NRXN1: variants seen among roughly 807,000 people sequenced by gnomAD.
The protein encoded by NRXN1 is neurexin 1, also known as neurexin-1.
Under a neutral mutation model 150.9 loss-of-function variants are expected in NRXN1, and 39 were observed. The observed-to-expected ratio is 0.26, with a 90% CI of 0.20 to 0.34. NRXN1 has a LOEUF of 0.34. NRXN1 is among the 10% of genes least tolerant of loss of function. The pLI, the probability that NRXN1 is intolerant of heterozygous loss-of-function variation, is 1.00. For synonymous variants in NRXN1, 924 were observed against 757.0 expected (o/e 1.22, Z -3.62); for missense variants, 1,815 against 1,949.9 (o/e 0.93, Z 1.30).
intron 21 of NRXN1, among the ~76,000 whole-genome samples, chr2:50,051,145 C>G (rs1014926649): frequency 2.0e-5 from 3 of 151,860 alleles, no homozygotes; most frequent in Non-Finnish European, 4.4e-5. Flanking sequence ...GAGCAGTTAA[C>G]TCTTTACCTT....
chr2:50,662,708 G>C (rs763468469), intron 5 of NRXN1, among the ~76,000 whole-genome samples: 26 of 151,898 alleles, frequency 1.7e-4, no homozygotes, highest in Non-Finnish European at 3.2e-4. Flanking sequence ...CCCTTGTTTA[G>C]GGCATCAAGT....
chr2:50,978,125 T>C (rs914342519), intron 2 of NRXN1, among the ~76,000 whole-genome samples: 3 of 150,638 alleles, frequency 2.0e-5, no homozygotes, highest in Non-Finnish European at 4.4e-5. Flanking sequence ...TTCCAAAATA[T>C]ATATATTCAT....
intron 15 of NRXN1, among the ~76,000 whole-genome samples, chr2:50,480,249 G>C (rs2090360500): frequency 6.6e-6 from 1 of 152,204 alleles, no homozygotes; most frequent in Non-Finnish European, 1.5e-5. Context: ...TGAAGATAGA[G>C]GTGTAGAAAC....
chr2:50,695,088 T>A (rs1692623798), intron 5 of NRXN1, among the ~76,000 whole-genome samples: 1 of 151,892 alleles, frequency 6.6e-6, no homozygotes. Flanking sequence ...GAAATTAAAT[T>A]AGCCATCTTC....
chr2:50,740,750 G>C (rs1402065202), intron 5 of NRXN1, among the ~76,000 whole-genome samples: 1 of 152,006 alleles, frequency 6.6e-6, no homozygotes, highest in Non-Finnish European at 1.5e-5. Context: ...CCTATATTTA[G>C]TGTAGGAGAG....
chr2:50,339,156 T>C (rs2077383209), intron 17 of NRXN1, among the ~76,000 whole-genome samples: 1 of 152,206 alleles, frequency 6.6e-6, no homozygotes, highest in African/African-American at 2.4e-5. Flanking sequence ...TCCAAATAAG[T>C]AAATTTCACT....
intron 11 of NRXN1, among the ~76,000 whole-genome samples, chr2:50,529,192 T>C (rs1356324620): frequency 6.6e-6 from 1 of 152,208 alleles, no homozygotes; most frequent in Non-Finnish European, 1.5e-5. Context: ...TGCTTGGGCA[T>C]AAAAAGGTAA....
intron 21 of NRXN1, among the ~76,000 whole-genome samples, chr2:50,022,224 T>A (rs1687679389): frequency 6.6e-6 from 1 of 152,178 alleles, no homozygotes; most frequent in Admixed American, 6.5e-5. Flanking sequence ...CCTCATGATC[T>A]GCCCGCCTCA....
rs1694554406 is a variant in NRXN1, at chr2:50,968,927, G to T, written c.773-42972C>A. Among the ~76,000 whole-genome samples, 3 of 152,026 alleles carry T rather than the reference G, an allele frequency of 2.0e-5. No individual in the cohort carries two copies. In the South Asian group the frequency reaches 6.2e-4, roughly 32 times the overall value. ...TGCCGATAAATTTCTATCTGGTTTA[G>T]AAAAATGTCTGAACACCTTAGTCTG... On this transcript the variant is annotated intron_variant, in intron 2 of 22. Coordinates refer to ENST00000401669, the MANE Select transcript of NRXN1 (RefSeq NM_001330078.2).
intron 17 of NRXN1, among the ~76,000 whole-genome samples, chr2:50,386,614 A>G (rs966327505): frequency 3.3e-5 from 5 of 152,182 alleles, no homozygotes; most frequent in Admixed American, 2.6e-4. Flanking sequence ...GTGGGGGCAA[A>G]TTGACAGGGA....
At chr2:50,919,543 A>G (rs1029131993) in intron 5 of NRXN1, 3 of 151,628 alleles carry the variant, frequency 2.0e-5, no homozygotes, top group Non-Finnish European at 3.0e-5. Context: ...TTCATTCCAG[A>G]TCCCCTGAAT....
intron 17 of NRXN1, among the ~76,000 whole-genome samples, chr2:50,295,152 C>T (rs182257556): frequency 4.6e-5 from 7 of 152,196 alleles, no homozygotes; most frequent in Non-Finnish European, 1.0e-4. Flanking sequence ...TTCCTCCCTA[C>T]CCTCCATTGA....
At chr2:50,319,899 G>A (rs184253236) in intron 17 of NRXN1, among the ~76,000 whole-genome samples, 299 of 152,102 alleles carry the variant, frequency 2.0e-3, no homozygotes, top group African/African-American at 6.8e-3. Flanking sequence ...GCCTCCTCCA[G>A]TTCTAACTCA....
At chr2:50,756,458 G>A (rs1701166155) in intron 5 of NRXN1, among the ~76,000 whole-genome samples, 1 of 151,696 alleles carries the variant, frequency 6.6e-6, no homozygotes, top group Middle Eastern at 3.4e-3. Flanking sequence ...AGCAAATATA[G>A]CACTTTCAAT....
intron 5 of NRXN1, among the ~76,000 whole-genome samples, chr2:50,769,277 C>G (rs950671069): frequency 6.6e-6 from 1 of 152,014 alleles, no homozygotes; most frequent in African/African-American, 2.4e-5. Context: ...CAAGCCAAAA[C>G]AAGTCTATAG....
At position 50,506,484 on chromosome 2, in the gene NRXN1, G is replaced by GGGAC; in HGVS notation, c.2497+10_2497+11insGTCC. On this transcript the variant is annotated intron_variant, in intron 13 of 22. Coordinates refer to ENST00000401669, the MANE Select transcript of NRXN1 (RefSeq NM_001330078.2). Reference sequence around the variant, plus strand: ...TAGCATAGGAAAAGACAATGGGACAGAGGTGTTTACCTGTCATGGCCTGTT... The same window carrying GGGAC: ...TAGCATAGGAAAAGACAATGGGACAGGGACAGGTGTTTACCTGTCATGGCCTGTT... 6.2e-7 allele frequency: 1 copy of GGGAC among 1,611,150 alleles called. No individual in the cohort carries two copies. The highest frequency in any genetic ancestry group is 8.5e-7 in the Non-Finnish European group (1 of 1,178,182).
chr2:50,992,028 G>A (rs1206171302), intron 2 of NRXN1, among the ~76,000 whole-genome samples: 18 of 152,034 alleles, frequency 1.2e-4, no homozygotes, highest in Admixed American at 6.6e-5. Context: ...GACTCAATCC[G>A]AGAGGGGATA....
intron 12 of NRXN1, among the ~76,000 whole-genome samples, chr2:50,526,196 A>G (rs541026884): frequency 1.3e-5 from 2 of 152,334 alleles, no homozygotes; most frequent in Admixed American, 6.5e-5. Context: ...GGAAGTTTCC[A>G]TTCAAACGTA....
At position 50,053,439 on chromosome 2, in the gene NRXN1, T is replaced by C. The variant is rs1254506080; in HGVS notation, c.3960A>G (p.Ile1320Met). The C allele has an allele frequency of 2.5e-6, 4 of 1,613,894 alleles. No homozygotes were observed. Among genetic ancestry groups the C allele is most frequent in the Non-Finnish European group, 3.4e-6 (4 of 1,179,924 alleles). ...CACCAACCAGTCTCACATTTCCCAC[T>C]ATGGCGATGTTGGCATCGTTTTCGG... ...MAAENDANIAIVGNVRLVGEV... is the reference protein window; with the variant it reads ...MAAENDANIAMVGNVRLVGEV... The change falls in exon 21 of 23, where the codon ATA becomes ATG. Residue 1320 changes from isoleucine (I) to methionine (M), a missense_variant. Ile to Met is a conservative substitution (Grantham distance 10). Transcript: ENST00000401669.
Sources: gnomAD v4.1 joint callset for allele counts (sites outside exome capture counted in the v4.1 genomes callset) on GRCh38, gnomAD v4.1.1 for gene constraint, MANE v1.5 for transcripts, NCBI Gene and HGNC (gene_info 2026-07-23, HGNC 2026-07-21) for gene names.